Variants in TTLL7 observed in about 807,000 individuals in gnomAD.
The protein encoded by TTLL7 is tubulin tyrosine ligase like 7.
In TTLL7, 53 loss-of-function variants were observed where a neutral mutation model predicts 120.2. The ratio of observed to expected loss-of-function variants is 0.44; its 90% CI spans 0.35 to 0.55. The LOEUF (loss-of-function observed/expected upper bound fraction) is 0.55, where lower values mean the gene tolerates loss of function less well. Among genes scored for constraint, TTLL7 ranks in the 20% least tolerant of loss-of-function variants. TTLL7 has a pLI of 0.00. For synonymous variants in TTLL7, 353 were observed against 351.7 expected (o/e 1.00, Z -0.04); for missense variants, 803 against 1,054.7 (o/e 0.76, Z 3.31).
chr1:83,978,416 A>G (rs1374732568), intron 1 of TTLL7, among the ~76,000 whole-genome samples: 2 of 152,190 alleles, frequency 1.3e-5, no homozygotes, highest in East Asian at 3.8e-4. Context: ...CAAATGAGAC[A>G]GATAAATTAT....
At position 83,869,939 on chromosome 1, in the gene TTLL7, C is replaced by T. The variant is rs771747058; in HGVS notation, c.*23G>A. On this transcript the variant is annotated 3_prime_UTR_variant, in exon 21 of 21. Transcript: ENST00000260505. ...AAAATGAATTGCTGTTATGTATAAC[C>T]AATGGCGATCTTCCCTTCTGTTTCA... 1 of 1,593,824 alleles carries T rather than the reference C, an allele frequency of 6.3e-7. No homozygotes were observed. The highest frequency in any genetic ancestry group is 1.2e-5 in the South Asian group (1 of 86,252).
At chr1:83,909,120 G>C (rs919948514) in intron 15 of TTLL7, among the ~76,000 whole-genome samples, 1 of 150,348 alleles carries the variant, frequency 6.7e-6, no homozygotes, top group Non-Finnish European at 1.5e-5. Flanking sequence ...CTTATACTAA[G>C]AAAATACCCA....
intron 9 of TTLL7, 32 bp from the exon 10 acceptor site, chr1:83,929,262 G>A: frequency 2.0e-6 from 3 of 1,498,154 alleles, no homozygotes; most frequent in Non-Finnish European, 2.8e-6. Context: ...ATATTGGAAG[G>A]TAAATAAATA....
At chr1:83,926,819 AG>A (rs1199066902) in intron 10 of TTLL7, among the ~76,000 whole-genome samples, 1 of 152,154 alleles carries the variant, frequency 6.6e-6, no homozygotes, top group African/African-American at 2.4e-5. Flanking sequence ...TGTCTTTTCT[AG>A]GTTCTATTTT....
intron 1 of TTLL7, among the ~76,000 whole-genome samples, chr1:83,987,627 CG>C (rs1447834520): frequency 1.3e-5 from 2 of 151,916 alleles, no homozygotes; most frequent in Non-Finnish European, 2.9e-5. Flanking sequence ...ACAATTCTAA[CG>C]ATTTTTTTTA....
intron 1 of TTLL7, among the ~76,000 whole-genome samples, chr1:83,993,340 A>C (rs984794828): frequency 6.6e-6 from 1 of 152,216 alleles, no homozygotes; most frequent in East Asian, 1.9e-4. Context: ...TAAAAAGTCA[A>C]CTTCACTACA....
At chr1:83,970,062 CA>C (rs1192525608) in intron 1 of TTLL7, among the ~76,000 whole-genome samples, 2 of 151,876 alleles carry the variant, frequency 1.3e-5, no homozygotes, top group Non-Finnish European at 2.9e-5. Flanking sequence ...TGAAAAGAAT[CA>C]ATTATGAATC....
At chr1:83,886,234 C>A (rs540267497) in intron 19 of TTLL7, among the ~76,000 whole-genome samples, 2 of 151,970 alleles carry the variant, frequency 1.3e-5, no homozygotes, top group African/African-American at 4.8e-5. Flanking sequence ...CCTTTCTCTA[C>A]TGGTACAAGT....
In TTLL7 at chr1:83,968,745, T is replaced by C. The variant is rs2100562633; in HGVS notation, c.-176-16358A>G. ...GAAAAATGAGAAGCCGACTTCATGA[T>C]CTAAATCTGTATTATTGTCAAATAG... On this transcript the variant is annotated intron_variant, in intron 1 of 20. Transcript: ENST00000260505. Among the ~76,000 whole-genome samples the C allele has an allele frequency of 2.0e-5, 3 of 152,160 alleles. No individual in the cohort carries two copies. The South Asian group carries it at 6.2e-4, about 32-fold the overall frequency.
chr1:83,990,056 T>C (rs952021712), intron 1 of TTLL7, among the ~76,000 whole-genome samples: 1 of 152,176 alleles, frequency 6.6e-6, no homozygotes, highest in African/African-American at 2.4e-5. Context: ...ATCCTGAAAC[T>C]GTATAACAGC....
chr1:83,985,674 G>A (rs1271530558), intron 1 of TTLL7, among the ~76,000 whole-genome samples: 1 of 151,954 alleles, frequency 6.6e-6, no homozygotes, highest in Non-Finnish European at 1.5e-5. Context: ...ACATAGCAAG[G>A]CCTGTCTCTT....
rs144098593 is a variant in TTLL7, at chr1:83,871,996, G to T, written c.2544-1914C>A. Among the ~76,000 whole-genome samples the T allele has an allele frequency of 7.2e-3, 1,098 of 151,672 alleles. 19 individuals are homozygous for T. Among genetic ancestry groups the T allele is most frequent in the African/African-American group, 0.025 (1,050 of 41,304 alleles). On this transcript the variant is annotated intron_variant, in intron 20 of 20. Transcript: ENST00000260505. ...CGGAGGGCCAAGGGCACAATTAGCTGTCTATTCTATGTTAAATAATATTGA... is the reference window on the plus strand; with the variant it reads ...CGGAGGGCCAAGGGCACAATTAGCTTTCTATTCTATGTTAAATAATATTGA...
intron 1 of TTLL7, among the ~76,000 whole-genome samples, chr1:83,956,293 T>C (rs1649505999): frequency 6.6e-6 from 1 of 151,204 alleles, no homozygotes. Flanking sequence ...TATGTATTTA[T>C]TTATTTATTA....
In TTLL7 at chr1:83,868,147, G is replaced by T. The variant is rs898142698; in HGVS notation, c.*1815C>A. ...TACATCTAACTTATAACTTTAGGTT[G>T]CCAATTCTTCAGGCTGTGAATTAAA... On this transcript the variant is annotated 3_prime_UTR_variant, in exon 21 of 21. Coordinates refer to ENST00000260505, the MANE Select transcript of TTLL7 (RefSeq NM_024686.6). 3 of 152,206 alleles carry T rather than the reference G, an allele frequency of 2.0e-5. No individual in the cohort carries two copies. Among genetic ancestry groups the T allele is most frequent in the African/African-American group, 7.2e-5 (3 of 41,450 alleles). 9.4% of individuals were successfully genotyped at this position (152,206 alleles called of 1,614,324 possible). A position where few individuals can be genotyped will look rare whatever the true frequency, so the allele number is the denominator to read the frequency against.
rs2100685414 is a variant in TTLL7 at position 83,868,194 on chromosome 1, A to G, written c.*1768T>C. ...TAAACCAGGCCAATTTGCCCCTCTC[A>G]GTTCTCCTGCTTTGGGGCCACTTCT... On this transcript the variant is annotated 3_prime_UTR_variant, in exon 21 of 21. Transcript: ENST00000260505. The G allele has an allele frequency of 6.6e-6, 1 of 152,324 alleles. No individual in the cohort carries two copies. The highest frequency in any genetic ancestry group is 1.9e-4 in the East Asian group (1 of 5,184). 9.4% of individuals were successfully genotyped at this position (152,324 alleles called of 1,614,324 possible). A position where few individuals can be genotyped will look rare whatever the true frequency, so the allele number is the denominator to read the frequency against.
At chr1:83,998,686 C>T (rs900818622) in intron 1 of TTLL7, among the ~76,000 whole-genome samples, 2 of 151,748 alleles carry the variant, frequency 1.3e-5, no homozygotes, top group African/African-American at 4.8e-5. Context: ...GAGATCACAG[C>T]AACTGACCCC....
In TTLL7 at chr1:83,883,072, A is replaced by G; in HGVS notation, c.2434T>C (p.Cys812Arg). The G allele has an allele frequency of 6.2e-7, 1 of 1,612,570 alleles. No individual in the cohort carries two copies. Among genetic ancestry groups the G allele is most frequent in the South Asian group, 1.1e-5 (1 of 90,972 alleles). ...TTACAAAGCTCCACTAGGCGCTGGC[A>G]ACACTGGAGCTGCAAAGGAGTCACC... ...EVVTPLQLQC[C>R]QRLVELCKQC... The change falls in exon 20 of 21, where the codon TGC becomes CGC. Residue 812 changes from cysteine to arginine, a missense_variant. Transcript: ENST00000260505.
chr1:83,993,422 C>T (rs999584611), intron 1 of TTLL7, among the ~76,000 whole-genome samples: 4 of 152,160 alleles, frequency 2.6e-5, no homozygotes, highest in East Asian at 1.9e-4. Context: ...TTAGACATGG[C>T]GCCAGCTCAC....
chr1:83,969,521 T>A (rs1473826907), intron 1 of TTLL7, among the ~76,000 whole-genome samples: 1 of 151,970 alleles, frequency 6.6e-6, no homozygotes, highest in African/African-American at 2.4e-5. Flanking sequence ...TGGCCTATAA[T>A]GTTTGTCTCT....
Sources: allele counts gnomAD v4.1 joint callset (sites outside exome capture counted in the v4.1 genomes callset), GRCh38; gene constraint gnomAD v4.1.1; transcripts MANE v1.5; gene names NCBI Gene and HGNC (gene_info 2026-07-23, HGNC 2026-07-21).